FOXP2: variants seen among roughly 807,000 people sequenced by gnomAD.
FOXP2 encodes forkhead box protein P2.
FOXP2 carries 12 observed loss-of-function variants against 115.8 expected under a neutral mutation model. The observed-to-expected ratio is 0.10, with a 90% CI of 0.07 to 0.17. FOXP2 has a LOEUF of 0.17. Among genes scored for constraint, FOXP2 ranks in the 10% least tolerant of loss-of-function variants. The probability of loss-of-function intolerance (pLI) is 1.00; values close to 1 mark genes in which losing one functional copy is unlikely to be tolerated. For missense variants in FOXP2, 629 were observed against 843.5 expected (o/e 0.75, Z 3.15); for synonymous variants, 328 against 297.7 (o/e 1.10, Z -1.05).
intron 1 of FOXP2, among the ~76,000 whole-genome samples, chr7:114,258,623 T>A (rs1795676137): frequency 6.6e-6 from 1 of 152,230 alleles, no homozygotes; most frequent in Non-Finnish European, 1.5e-5. Flanking sequence ...ATATCATAAC[T>A]ATTCATTTTA....
At chr7:114,486,272 G>A (rs1251516757) in intron 2 of FOXP2, among the ~76,000 whole-genome samples, 1 of 152,094 alleles carries the variant, frequency 6.6e-6, no homozygotes, top group Non-Finnish European at 1.5e-5. Context: ...GCAGGCAAGA[G>A]CACATGTGCA....
chr7:114,579,789 C>T (rs979801901), intron 3 of FOXP2, among the ~76,000 whole-genome samples: 2 of 152,130 alleles, frequency 1.3e-5, no homozygotes, highest in African/African-American at 4.8e-5. Context: ...ATTCACTGAG[C>T]ATATACTATG....
At chr7:114,167,258 G>T (rs1462461974) in intron 1 of FOXP2, among the ~76,000 whole-genome samples, 1 of 152,118 alleles carries the variant, frequency 6.6e-6, no homozygotes, top group African/African-American at 2.4e-5. Context: ...ATAATAAAAA[G>T]AAATGAGCTA....
At chr7:114,542,227 T>C (rs1360265583) in intron 3 of FOXP2, among the ~76,000 whole-genome samples, 1 of 152,166 alleles carries the variant, frequency 6.6e-6, no homozygotes, top group Non-Finnish European at 1.5e-5. Flanking sequence ...TTTACTTTAT[T>C]GCTGTCTCTT....
rs578246572 is a variant in FOXP2, at chr7:114,659,276, A to G, written c.1469-80A>G. On this transcript the variant is annotated intron_variant, in intron 11 of 16. Transcript: ENST00000350908. Reference sequence around the variant, plus strand: ...GCTTCCTCACTGAATCACTTTACCAATACTAGAGGAAATATGAAAATTCAA... The same window carrying G: ...GCTTCCTCACTGAATCACTTTACCAGTACTAGAGGAAATATGAAAATTCAA... 6.0e-4 allele frequency: 614 copies of G among 1,030,988 alleles called. 3 individuals are homozygous for G. Among genetic ancestry groups the G allele is most frequent in the South Asian group, 3.6e-3 (270 of 75,810 alleles). The allele number at this position is 1,030,988 out of a possible 1,614,324, so 63.9% of individuals were successfully genotyped here.
At chr7:114,553,946 T>C (rs1188188409) in intron 3 of FOXP2, among the ~76,000 whole-genome samples, 1 of 152,136 alleles carries the variant, frequency 6.6e-6, no homozygotes, top group Non-Finnish European at 1.5e-5. Flanking sequence ...TCCTTATTGA[T>C]GTTTTCTAGG....
chr7:114,348,730 A>G (rs1026526762), intron 2 of FOXP2, among the ~76,000 whole-genome samples: 1 of 152,224 alleles, frequency 6.6e-6, no homozygotes, highest in South Asian at 2.1e-4. Context: ...TTAAAATTCT[A>G]TAAAGTATGC....
intron 1 of FOXP2, among the ~76,000 whole-genome samples, chr7:114,286,903 A>G (rs919816013): frequency 2.0e-5 from 3 of 152,064 alleles, no homozygotes; most frequent in Non-Finnish European, 4.4e-5. Context: ...TTTTATTGCA[A>G]GAAAGGGTTC....
intron 2 of FOXP2, among the ~76,000 whole-genome samples, chr7:114,307,140 A>G (rs1227511101): frequency 6.6e-6 from 1 of 152,070 alleles, no homozygotes; most frequent in Non-Finnish European, 1.5e-5. Flanking sequence ...TTTCTGGTGA[A>G]TTTTCATGAG....
chr7:114,679,786 G>A (rs748920942), intron 16 of FOXP2, among the ~76,000 whole-genome samples: 1 of 152,030 alleles, frequency 6.6e-6, no homozygotes, highest in Admixed American at 6.5e-5. Context: ...CTCCTTCATA[G>A]AGCATTCACT....
At chr7:114,244,217 A>G (rs1044206290) in intron 1 of FOXP2, among the ~76,000 whole-genome samples, 2 of 152,192 alleles carry the variant, frequency 1.3e-5, no homozygotes, top group African/African-American at 4.8e-5. Context: ...AGTTTACCCT[A>G]TTATTAATAT....
chr7:114,135,263 G>C (rs1792009122), intron 1 of FOXP2, among the ~76,000 whole-genome samples: 1 of 151,890 alleles, frequency 6.6e-6, no homozygotes, highest in Non-Finnish European at 1.5e-5. Flanking sequence ...CAGAAGCACT[G>C]TAATGCAGTG....
intron 2 of FOXP2, among the ~76,000 whole-genome samples, chr7:114,526,172 TAAAAA>T (rs3028251): frequency 0.024 from 1,914 of 79,760 alleles, 65 homozygotes; most frequent in African/African-American, 0.096. Flanking sequence ...GTTTCTTTAT[TAAAAA>T]AAAAAAAAAA....
intron 1 of FOXP2, among the ~76,000 whole-genome samples, chr7:114,105,768 G>C (rs1466890992): frequency 6.6e-6 from 1 of 151,988 alleles, no homozygotes; most frequent in Non-Finnish European, 1.5e-5. Context: ...CTGACGAGAC[G>C]ATTAAGGCAG....
intron 2 of FOXP2, among the ~76,000 whole-genome samples, chr7:114,353,700 A>G (rs1791549293): frequency 6.6e-6 from 1 of 152,054 alleles, no homozygotes; most frequent in African/African-American, 2.4e-5. Context: ...TTCTTAGAGC[A>G]TTTAACTGGA....
intron 3 of FOXP2, among the ~76,000 whole-genome samples, chr7:114,615,753 C>T (rs1803914500): frequency 6.6e-6 from 1 of 152,136 alleles, no homozygotes; most frequent in South Asian, 2.1e-4. Context: ...TGTACGGGTC[C>T]CTTGCTGAGG....
chr7:114,366,297 A>G (rs576840093), intron 2 of FOXP2, among the ~76,000 whole-genome samples: 1 of 152,264 alleles, frequency 6.6e-6, no homozygotes, highest in African/African-American at 2.4e-5. Flanking sequence ...CTTCATATCT[A>G]ATCTCATTAG....
intron 1 of FOXP2, among the ~76,000 whole-genome samples, chr7:114,149,867 A>C (rs942033119): frequency 6.6e-6 from 1 of 152,076 alleles, no homozygotes; most frequent in African/African-American, 2.4e-5. Flanking sequence ...ATGGTAAAAC[A>C]CATCATCATG....
chr7:114,608,641 G>C (rs766468997), intron 3 of FOXP2, among the ~76,000 whole-genome samples: 6 of 152,080 alleles, frequency 3.9e-5, no homozygotes, highest in Non-Finnish European at 8.8e-5. Context: ...ATAAAGACTT[G>C]GATCATTGAG....
Sources: gnomAD v4.1 joint callset for allele counts (sites outside exome capture counted in the v4.1 genomes callset) on GRCh38, gnomAD v4.1.1 for gene constraint, MANE v1.5 for transcripts, NCBI Gene and HGNC (gene_info 2026-07-23, HGNC 2026-07-21) for gene names.